The following THEMIS variants were observed in gnomAD, a reference collection of about 807,000 sequenced individuals.
The protein encoded by THEMIS is thymocyte selection associated, also known as protein THEMIS.
Under a neutral mutation model 52.6 loss-of-function variants are expected in THEMIS, and 37 were observed. That is an observed-to-expected ratio of 0.70 (90% CI 0.54 to 0.93). THEMIS has a LOEUF of 0.93. Ranked by LOEUF, THEMIS falls within the 40% of genes least tolerant of loss-of-function variation. The pLI, the probability that THEMIS is intolerant of heterozygous loss-of-function variation, is 0.00. For synonymous variants in THEMIS, 292 were observed against 272.7 expected, an observed-to-expected ratio of 1.07 and a Z score of -0.70; for missense variants, 808 against 763.1, an observed-to-expected ratio of 1.06 and a Z score of -0.69.
the THEMIS span, among the ~76,000 whole-genome samples, chr6:127,701,894 A>G: frequency 1.8e-4 from 27 of 152,160 alleles, 1 homozygote; most frequent in East Asian, 4.6e-3. Flanking sequence ...GCTTGTCTGA[A>G]TTTTACTTAA....
chr6:127,743,288 G>T (rs1367522265), intron 4 of THEMIS, among the ~76,000 whole-genome samples: 1 of 152,120 alleles, frequency 6.6e-6, no homozygotes, highest in Non-Finnish European at 1.5e-5. Flanking sequence ...CATAAAACAT[G>T]CCAGATACGA....
intron 4 of THEMIS, among the ~76,000 whole-genome samples, chr6:127,805,962 A>AT (rs530195408): frequency 5.0e-4 from 74 of 148,238 alleles, no homozygotes; most frequent in Admixed American, 1.4e-3. Context: ...TGCTCTTTTG[A>AT]TTTTTTTTTT....
At position 127,813,337 on chromosome 6, in the gene THEMIS, A is replaced by G. The variant is rs927131539; in HGVS notation, c.1304T>C (p.Val435Ala). 6 of 1,613,988 alleles carry G rather than the reference A, an allele frequency of 3.7e-6. No individual in the cohort carries two copies. In the South Asian group the frequency reaches 4.4e-5, roughly 12 times the overall value. ...LLPLYMEGGF[V>A]EVIHDKKQYP... is the part of the protein sequence containing the mutation. Reference sequence around the variant, plus strand: ...CTGTTTCTTATCATGAATCACCTCTACAAAACCTCCTTCCATGTACAAAGG... The same window carrying G: ...CTGTTTCTTATCATGAATCACCTCTGCAAAACCTCCTTCCATGTACAAAGG... The change falls in exon 4 of 6, where the codon GTA becomes GCA. Residue 435 changes from valine (V) to alanine (A), a missense_variant. Transcript: ENST00000368248.
chr6:127,757,023 A>C (rs527522531), intron 4 of THEMIS, among the ~76,000 whole-genome samples: 2 of 152,334 alleles, frequency 1.3e-5, no homozygotes, highest in Non-Finnish European at 2.9e-5. Flanking sequence ...TTTATTCCAT[A>C]ATAAAGTTTT....
At chr6:127,903,249 C>A (rs1382033726), upstream of THEMIS, among the ~76,000 whole-genome samples, 2 of 151,982 alleles carry the variant, frequency 1.3e-5, no homozygotes, top group South Asian at 4.1e-4. Flanking sequence ...TCACTTCTGA[C>A]ACACAGGCAA....
chr6:127,850,861 A>G (rs187381741), intron 2 of THEMIS, among the ~76,000 whole-genome samples: 117 of 151,748 alleles, frequency 7.7e-4, no homozygotes, highest in Non-Finnish European at 4.4e-4. Context: ...ATCAAAAACT[A>G]CTTGTAACCC....
chr6:127,853,116 TA>T (rs1779487578), intron 2 of THEMIS, among the ~76,000 whole-genome samples: 1 of 151,678 alleles, frequency 6.6e-6, no homozygotes, highest in South Asian at 2.1e-4. Context: ...GGGATTATTG[TA>T]ATAAATAAGA....
intron 3 of THEMIS, among the ~76,000 whole-genome samples, chr6:127,819,313 T>A (rs1778253370): frequency 1.3e-5 from 2 of 151,528 alleles, no homozygotes; most frequent in South Asian, 4.2e-4. Flanking sequence ...TAATATAATA[T>A]CCAAGAAATG....
At chr6:127,705,362 T>C (rs1773784703), downstream of THEMIS, among the ~76,000 whole-genome samples, 1 of 152,230 alleles carries the variant, frequency 6.6e-6, no homozygotes, top group African/African-American at 2.4e-5. Context: ...GTAACCATGA[T>C]GGCAGATATT....
chr6:127,832,943 T>A (rs2114671070), intron 2 of THEMIS, among the ~76,000 whole-genome samples: 1 of 151,454 alleles, frequency 6.6e-6, no homozygotes, highest in Middle Eastern at 3.4e-3. Flanking sequence ...ACCACCATAC[T>A]CAGTTAATTT....
intron 1 of THEMIS, among the ~76,000 whole-genome samples, chr6:127,906,899 T>C (rs1182394773): frequency 6.6e-6 from 1 of 151,804 alleles, no homozygotes; most frequent in Non-Finnish European, 1.5e-5. Context: ...GTTTGTTAGA[T>C]TCTCTATAGC....
At chr6:127,867,923 A>AACAC (rs35052969) in intron 1 of THEMIS, among the ~76,000 whole-genome samples, 9 of 150,178 alleles carry the variant, frequency 6.0e-5, no homozygotes, top group South Asian at 2.1e-4. Context: ...ATTACTATTA[A>AACAC]ACACACACAC....
intron 4 of THEMIS, among the ~76,000 whole-genome samples, chr6:127,776,018 G>A (rs1378904497): frequency 6.6e-6 from 1 of 152,062 alleles, no homozygotes; most frequent in Non-Finnish European, 1.5e-5. Flanking sequence ...TTTTCCTTGT[G>A]ATTTTTGTCT....
At chr6:127,810,988 G>A (rs192937776) in intron 4 of THEMIS, among the ~76,000 whole-genome samples, 1 of 152,112 alleles carries the variant, frequency 6.6e-6, no homozygotes, top group African/African-American at 2.4e-5. Flanking sequence ...AAGCTTAGCT[G>A]TACCCTTAAG....
At chr6:127,848,891 T>G (rs1168167595) in intron 2 of THEMIS, among the ~76,000 whole-genome samples, 1 of 152,178 alleles carries the variant, frequency 6.6e-6, no homozygotes, top group Non-Finnish European at 1.5e-5. Flanking sequence ...TTCACTCTGA[T>G]GGTAGTTTCT....
intron 1 of THEMIS, among the ~76,000 whole-genome samples, chr6:127,890,405 T>C (rs547342788): frequency 6.6e-6 from 1 of 152,004 alleles, no homozygotes; most frequent in Admixed American, 6.6e-5. Flanking sequence ...GGGAAGAGAG[T>C]AGAATGGTGG....
At chr6:127,812,497 A>G (rs959986779) in intron 4 of THEMIS, among the ~76,000 whole-genome samples, 1 of 152,200 alleles carries the variant, frequency 6.6e-6, no homozygotes, top group Non-Finnish European at 1.5e-5. Flanking sequence ...AGTTTACTGT[A>G]TGTTAATTTC....
chr6:127,717,135 G>C (rs1774195413), intron 5 of THEMIS, among the ~76,000 whole-genome samples: 1 of 151,656 alleles, frequency 6.6e-6, no homozygotes, highest in Admixed American at 6.6e-5. Flanking sequence ...AATTATTATA[G>C]CCTGACTTCA....
chr6:127,742,867 A>C (rs1775257567), intron 4 of THEMIS, among the ~76,000 whole-genome samples: 1 of 152,172 alleles, frequency 6.6e-6, no homozygotes. Flanking sequence ...GTTCCATAAC[A>C]ATGTGAATGG....
Sources: allele counts gnomAD v4.1 joint callset (sites outside exome capture counted in the v4.1 genomes callset), GRCh38; gene constraint gnomAD v4.1.1; transcripts MANE v1.5; gene names NCBI Gene and HGNC (gene_info 2026-07-23, HGNC 2026-07-21).